Variants in SNX29 observed in about 807,000 individuals in gnomAD.
SNX29 encodes the protein sorting nexin-29.
SNX29 carries 78 observed loss-of-function variants against 102.1 expected under a neutral mutation model. That is an observed-to-expected ratio of 0.76 (90% CI 0.64 to 0.92). The LOEUF (loss-of-function observed/expected upper bound fraction) is 0.92. SNX29 is among the 40% of genes least tolerant of loss of function. The pLI, the probability that SNX29 is intolerant of heterozygous loss-of-function variation, is 0.00. For missense variants in SNX29, 1,280 were observed against 1,061.7 expected (o/e 1.21, Z -2.86); for synonymous variants, 580 against 414.5 (o/e 1.40, Z -4.85).
chr16:12,382,452 C>A (rs550176831), intron 16 of SNX29, among the ~76,000 whole-genome samples: 2 of 152,210 alleles, frequency 1.3e-5, no homozygotes, highest in Non-Finnish European at 2.9e-5. Context: ...CAAGTTAAGT[C>A]AACTCTCTGA....
chr16:12,113,651 C>T (rs1318382980), intron 11 of SNX29, among the ~76,000 whole-genome samples: 1 of 152,244 alleles, frequency 6.6e-6, no homozygotes, highest in East Asian at 1.9e-4. Flanking sequence ...ATTAATCTTC[C>T]TTGCCACCAG....
chr16:11,996,482 A>G (rs2056077192), intron 1 of SNX29, among the ~76,000 whole-genome samples: 1 of 152,220 alleles, frequency 6.6e-6, no homozygotes, highest in Non-Finnish European at 1.5e-5. Flanking sequence ...AATTATCACT[A>G]GGGAGATGAA....
chr16:12,216,357 A>G (rs1156344051), intron 14 of SNX29, among the ~76,000 whole-genome samples: 1 of 152,096 alleles, frequency 6.6e-6, no homozygotes, highest in African/African-American at 2.4e-5. Flanking sequence ...TGGACTTTTT[A>G]TGGGCTCAGA....
intron 18 of SNX29, among the ~76,000 whole-genome samples, chr16:12,429,837 C>G (rs2085240377): frequency 6.6e-6 from 1 of 152,132 alleles, no homozygotes; most frequent in African/African-American, 2.4e-5. Flanking sequence ...AGTGTGCTGT[C>G]TTAGAAAGGG....
chr16:12,506,408 A>G (rs1043957949), intron 19 of SNX29, among the ~76,000 whole-genome samples: 1 of 152,126 alleles, frequency 6.6e-6, no homozygotes, highest in Non-Finnish European at 1.5e-5. Flanking sequence ...GAAGTGGGAG[A>G]TGTTTGAAAG....
intron 6 of SNX29, among the ~76,000 whole-genome samples, chr16:12,047,465 G>C (rs942470158): frequency 6.6e-6 from 1 of 152,162 alleles, no homozygotes; most frequent in African/African-American, 2.4e-5. Context: ...AAGATGCCAA[G>C]TGTAAGTTTC....
At chr16:12,246,646 A>G (rs1041011903) in intron 14 of SNX29, among the ~76,000 whole-genome samples, 2 of 152,024 alleles carry the variant, frequency 1.3e-5, no homozygotes, top group South Asian at 2.1e-4. Context: ...AGAAATAACA[A>G]CAAAAAAACC....
chr16:12,422,957 G>C (rs79233204), intron 18 of SNX29, among the ~76,000 whole-genome samples: 1 of 152,178 alleles, frequency 6.6e-6, no homozygotes, highest in East Asian at 1.9e-4. Context: ...AGAAACATCC[G>C]AAGCTTAAAG....
At chr16:12,437,490 A>C (rs1166726622) in intron 18 of SNX29, among the ~76,000 whole-genome samples, 1 of 152,210 alleles carries the variant, frequency 6.6e-6, no homozygotes, top group African/African-American at 2.4e-5. Context: ...TGCGGAGGAC[A>C]GGTGACATCT....
At chr16:12,539,511 C>G (rs951586634) in intron 20 of SNX29, among the ~76,000 whole-genome samples, 12 of 152,262 alleles carry the variant, frequency 7.9e-5, no homozygotes, top group African/African-American at 2.9e-4. Context: ...GCGTTGGTTC[C>G]AGTTGTTGGC....
intron 19 of SNX29, among the ~76,000 whole-genome samples, chr16:12,479,821 C>A (rs1320159315): frequency 6.6e-6 from 1 of 152,138 alleles, no homozygotes; most frequent in African/African-American, 2.4e-5. Context: ...TTCACGGAAT[C>A]TGCCTGTGTC....
intron 14 of SNX29, among the ~76,000 whole-genome samples, chr16:12,273,353 T>TG (rs886639974): frequency 2.6e-5 from 4 of 151,674 alleles, no homozygotes; most frequent in East Asian, 1.9e-4. Flanking sequence ...TTTTTTTTTT[T>TG]TTGTTGTTGT....
intron 18 of SNX29, among the ~76,000 whole-genome samples, chr16:12,461,618 C>A (rs1010949382): frequency 1.3e-5 from 2 of 151,952 alleles, no homozygotes; most frequent in African/African-American, 4.8e-5. Context: ...TTTGAAGCAT[C>A]GCGTCTTCCA....
intron 20 of SNX29, among the ~76,000 whole-genome samples, chr16:12,525,427 C>G (rs906388190): frequency 6.6e-6 from 1 of 152,140 alleles, no homozygotes; most frequent in African/African-American, 2.4e-5. Context: ...AATCCCAGCA[C>G]TCTGGGAGGC....
At chr16:12,304,385 G>C (rs1418027691) in intron 15 of SNX29, among the ~76,000 whole-genome samples, 1 of 152,188 alleles carries the variant, frequency 6.6e-6, no homozygotes, top group Admixed American at 6.5e-5. Flanking sequence ...CGATTCTCCT[G>C]CCTTAGCCTC....
chr16:12,304,236 T>G (rs552183786), intron 15 of SNX29, among the ~76,000 whole-genome samples: 39 of 152,202 alleles, frequency 2.6e-4, no homozygotes, highest in African/African-American at 9.2e-4. Context: ...GAGCTCATCT[T>G]TAGCAAAAGT....
chr16:12,541,910 C>A (rs543753852), intron 20 of SNX29, among the ~76,000 whole-genome samples: 1 of 152,172 alleles, frequency 6.6e-6, no homozygotes, highest in Non-Finnish European at 1.5e-5. Flanking sequence ...CAGATGTTTT[C>A]CACTGATTGC....
intron 13 of SNX29, among the ~76,000 whole-genome samples, chr16:12,164,329 G>T (rs984230884): frequency 1.3e-5 from 2 of 152,148 alleles, no homozygotes; most frequent in African/African-American, 4.8e-5. Context: ...AAGATTTCTG[G>T]TTAATAGAGT....
chr16:12,510,681 G>C (rs190968951), intron 19 of SNX29, among the ~76,000 whole-genome samples: 1,768 of 151,844 alleles, frequency 0.012, 39 homozygotes, highest in African/African-American at 0.04. Flanking sequence ...TCAAAAAAAA[G>C]AAAACAAAAC....
Sources: allele counts gnomAD v4.1 joint callset (sites outside exome capture counted in the v4.1 genomes callset), GRCh38; gene constraint gnomAD v4.1.1; transcripts MANE v1.5; gene names NCBI Gene and HGNC (gene_info 2026-07-23, HGNC 2026-07-21).